The following PPP1R21 variants were observed in gnomAD, a reference collection of about 807,000 sequenced individuals.
PPP1R21 encodes the protein KLRAQ motif containing 1.
A neutral mutation model predicts 112.8 loss-of-function variants in PPP1R21; 85 were observed. The observed-to-expected ratio is 0.75, with a 90% CI of 0.63 to 0.90. The LOEUF (loss-of-function observed/expected upper bound fraction) is 0.90, where lower values mean the gene tolerates loss of function less well. PPP1R21 is among the 40% of genes least tolerant of loss of function. PPP1R21 has a pLI of 0.00. For missense variants in PPP1R21, 1,199 were observed against 901.5 expected (o/e 1.33, Z -4.23); for synonymous variants, 381 against 322.3 (o/e 1.18, Z -1.95).
chr2:48,465,124 A>C, intron 8 of PPP1R21, 135 bp downstream of exon 8: 7 of 722,564 alleles, frequency 9.7e-6, no homozygotes, highest in Middle Eastern at 2.6e-4. Context: ...CGTGTTTCTC[A>C]TACATTTATT....
intron 3 of PPP1R21, among the ~76,000 whole-genome samples, chr2:48,456,166 T>C (rs939293091): frequency 6.6e-6 from 1 of 152,060 alleles, no homozygotes; most frequent in East Asian, 1.9e-4. Context: ...TTTTGCCTTA[T>C]GGTTTTATAT....
intron 1 of PPP1R21, among the ~76,000 whole-genome samples, chr2:48,447,338 T>G (rs1473546733): frequency 6.6e-6 from 1 of 151,856 alleles, no homozygotes; most frequent in Non-Finnish European, 1.5e-5. Flanking sequence ...AATCAGAAAA[T>G]TACAAAACAA....
intron 6 of PPP1R21, 53 bp from the exon 7 acceptor site, chr2:48,461,085 A>G (rs1255731742): frequency 3.3e-6 from 5 of 1,537,600 alleles, no homozygotes; most frequent in Non-Finnish European, 4.3e-6. Context: ...ATAAATGAGG[A>G]TTCACTCAGT....
At chr2:48,487,200 A>G (rs1219701402) in intron 14 of PPP1R21, among the ~76,000 whole-genome samples, 1 of 152,322 alleles carries the variant, frequency 6.6e-6, no homozygotes, top group East Asian at 1.9e-4. Flanking sequence ...GCCATATAGA[A>G]CACTGGGAAC....
chr2:48,458,908 C>T (rs929081109), intron 4 of PPP1R21, among the ~76,000 whole-genome samples: 5 of 151,828 alleles, frequency 3.3e-5, no homozygotes, highest in East Asian at 3.9e-4. Flanking sequence ...CTGGCTAACA[C>T]GGTGAAACCC....
At chr2:48,505,089 TACTC>T (rs1444608232) in intron 17 of PPP1R21, among the ~76,000 whole-genome samples, 7 of 152,256 alleles carry the variant, frequency 4.6e-5, no homozygotes, top group Admixed American at 4.6e-4. Flanking sequence ...AATTTATGCT[TACTC>T]ATGTCATAAT....
chr2:48,508,378 A>G (rs1218605571), intron 19 of PPP1R21, among the ~76,000 whole-genome samples: 1 of 152,180 alleles, frequency 6.6e-6, no homozygotes, highest in African/African-American at 2.4e-5. Context: ...TTTCTCTTAT[A>G]CTAGAGTTGA....
At chr2:48,479,824 T>G in intron 12 of PPP1R21, 100 bp from the exon 13 acceptor site, 1 of 791,396 alleles carries the variant, frequency 1.3e-6, no homozygotes, top group South Asian at 1.4e-5. Flanking sequence ...TCTAGCACAT[T>G]ACAACCAATC....
chr2:48,506,915 C>A (rs1670404982), intron 18 of PPP1R21, among the ~76,000 whole-genome samples: 1 of 149,550 alleles, frequency 6.7e-6, no homozygotes, highest in Non-Finnish European at 1.5e-5. Context: ...CACTGCACTC[C>A]AGCCTGGTGA....
chr2:48,502,033 T>C (rs991814518), intron 17 of PPP1R21: 2 of 152,322 alleles, frequency 1.3e-5, no homozygotes, highest in Non-Finnish European at 2.9e-5. Context: ...ACAATGCTGG[T>C]ATATTTGAGT....
intron 18 of PPP1R21, 70 bp from the exon 19 acceptor site, chr2:48,507,192 CTTTTTTT>C: frequency 2.6e-6 from 3 of 1,140,810 alleles, no homozygotes; most frequent in African/African-American, 3.6e-5. Context: ...AAAATGTTGT[CTTTTTTT>C]TTTTTTTTTT....
At chr2:48,441,070 C>T (rs1667004627) in intron 1 of PPP1R21, 60 bp downstream of exon 1, 1 of 1,268,482 alleles carries the variant, frequency 7.9e-7, no homozygotes, top group South Asian at 1.2e-5. Flanking sequence ...GTTGCCGTGG[C>T]AGCGACTTGT....
At chr2:48,503,476 T>C (rs904422014) in intron 17 of PPP1R21, among the ~76,000 whole-genome samples, 1 of 152,236 alleles carries the variant, frequency 6.6e-6, no homozygotes, top group Non-Finnish European at 1.5e-5. Context: ...AGGTTATTTC[T>C]GCATGTTAAA....
At chr2:48,445,769 A>G (rs1016861693) in intron 1 of PPP1R21, among the ~76,000 whole-genome samples, 1 of 152,206 alleles carries the variant, frequency 6.6e-6, no homozygotes, top group Admixed American at 6.5e-5. Context: ...TTCCTGCCTC[A>G]GTGACAAAGT....
intron 1 of PPP1R21, among the ~76,000 whole-genome samples, chr2:48,444,395 A>G (rs1415707258): frequency 6.6e-6 from 1 of 152,214 alleles, no homozygotes; most frequent in Non-Finnish European, 1.5e-5. Context: ...GCTACATTAT[A>G]GATTAAGGAT....
At chr2:48,474,957 G>T (rs991999373) in intron 12 of PPP1R21, 138 bp downstream of exon 12, 23 of 681,102 alleles carry the variant, frequency 3.4e-5, no homozygotes, top group Middle Eastern at 4.0e-4. Flanking sequence ...AAATTCTCTA[G>T]CCCCTTATAC....
At chr2:48,489,011 T>C (rs1669437661) in intron 14 of PPP1R21, among the ~76,000 whole-genome samples, 1 of 152,320 alleles carries the variant, frequency 6.6e-6, no homozygotes, top group East Asian at 1.9e-4. Context: ...ATCCTTACTT[T>C]ACTGAATACT....
chr2:48,503,183 T>G (rs757394663), intron 17 of PPP1R21, among the ~76,000 whole-genome samples: 29 of 152,198 alleles, frequency 1.9e-4, no homozygotes, highest in Non-Finnish European at 3.1e-4. Context: ...ATTAATAGAA[T>G]TTTTAAACAT....
At chr2:48,478,080 G>A (rs1332371611) in intron 12 of PPP1R21, among the ~76,000 whole-genome samples, 1 of 152,206 alleles carries the variant, frequency 6.6e-6, no homozygotes, top group African/African-American at 2.4e-5. Flanking sequence ...TTGGAGTTAT[G>A]CTGCCACAGG....
Sources: allele counts gnomAD v4.1 joint callset (sites outside exome capture counted in the v4.1 genomes callset), GRCh38; gene constraint gnomAD v4.1.1; transcripts MANE v1.5; gene names NCBI Gene and HGNC (gene_info 2026-07-23, HGNC 2026-07-21).